Variants in CCDC91 observed in about 807,000 individuals in gnomAD.
CCDC91 encodes the protein coiled-coil domain-containing protein 91.
A neutral mutation model predicts 63.2 loss-of-function variants in CCDC91; 48 were observed. That is an observed-to-expected ratio of 0.76 (90% CI 0.60 to 0.97). The LOEUF (loss-of-function observed/expected upper bound fraction) is 0.97. CCDC91 is among the 50% of genes least tolerant of loss of function. The probability of loss-of-function intolerance (pLI) is 0.00; values close to 1 mark genes in which losing one functional copy is unlikely to be tolerated. For synonymous variants in CCDC91, 167 were observed against 165.8 expected (o/e 1.01, Z -0.06); for missense variants, 500 against 494.6 (o/e 1.01, Z -0.10).
chr12:28,231,780 T>C (rs1472562715), intron 1 of CCDC91, among the ~76,000 whole-genome samples: 3 of 152,180 alleles, frequency 2.0e-5, no homozygotes, highest in African/African-American at 7.2e-5. Context: ...GTTCACTTTA[T>C]TCTTGTTTAT....
At chr12:28,419,171 A>G (rs1371285656) in intron 8 of CCDC91, among the ~76,000 whole-genome samples, 1 of 152,200 alleles carries the variant, frequency 6.6e-6, no homozygotes, top group Non-Finnish European at 1.5e-5. Context: ...CCCAGTGTGG[A>G]AAGCCAAACT....
chr12:28,205,182 A>G (rs1341509316), intron 1 of CCDC91, among the ~76,000 whole-genome samples: 1 of 152,096 alleles, frequency 6.6e-6, no homozygotes, highest in Non-Finnish European at 1.5e-5. Context: ...ATAGAGAGAA[A>G]GGAGAGTGAA....
At chr12:28,240,188 A>G (rs1945241163) in intron 1 of CCDC91, among the ~76,000 whole-genome samples, 1 of 152,138 alleles carries the variant, frequency 6.6e-6, no homozygotes, top group Non-Finnish European at 1.5e-5. Context: ...AGTCCATTTT[A>G]CGCTTTCTAA....
chr12:28,473,893 C>A (rs1950948322), intron 11 of CCDC91, among the ~76,000 whole-genome samples: 1 of 152,048 alleles, frequency 6.6e-6, no homozygotes, highest in Non-Finnish European at 1.5e-5. Flanking sequence ...TTAAAACTCA[C>A]CATTGGTAAA....
At chr12:28,417,553 C>A (rs1036034053) in intron 8 of CCDC91, among the ~76,000 whole-genome samples, 1 of 151,182 alleles carries the variant, frequency 6.6e-6, no homozygotes, top group Non-Finnish European at 1.5e-5. Flanking sequence ...TTTTCCCCAG[C>A]TTTATTGAGG....
intron 8 of CCDC91, among the ~76,000 whole-genome samples, chr12:28,414,622 G>A (rs1406833688): frequency 6.6e-6 from 1 of 152,092 alleles, no homozygotes; most frequent in Non-Finnish European, 1.5e-5. Flanking sequence ...ACAGGCATTT[G>A]ATCACACTTG....
At chr12:28,465,821 CT>C (rs1233879809) in intron 11 of CCDC91, among the ~76,000 whole-genome samples, 5 of 152,172 alleles carry the variant, frequency 3.3e-5, no homozygotes, top group South Asian at 2.1e-4. Context: ...CCCAAATAAA[CT>C]AAATAAGACA....
At chr12:28,352,807 A>G (rs2138298056) in intron 6 of CCDC91, among the ~76,000 whole-genome samples, 1 of 152,186 alleles carries the variant, frequency 6.6e-6, no homozygotes, top group Non-Finnish European at 1.5e-5. Flanking sequence ...GAGCAGCATA[A>G]TGCTTAAGGG....
At chr12:28,373,351 A>G (rs1244715783) in intron 7 of CCDC91, among the ~76,000 whole-genome samples, 1 of 152,030 alleles carries the variant, frequency 6.6e-6, no homozygotes, top group East Asian at 1.9e-4. Flanking sequence ...AGCCTCTTAT[A>G]TGTGTAGATT....
At chr12:28,271,061 A>T (rs542416910) in intron 3 of CCDC91, among the ~76,000 whole-genome samples, 1 of 152,232 alleles carries the variant, frequency 6.6e-6, no homozygotes, top group South Asian at 2.1e-4. Flanking sequence ...ATAGCGTGTA[A>T]TAAAGGGATA....
chr12:28,499,330 C>T (rs1952488091), intron 12 of CCDC91, among the ~76,000 whole-genome samples: 1 of 150,506 alleles, frequency 6.6e-6, no homozygotes, highest in Non-Finnish European at 1.5e-5. Context: ...AAAGAGTTTT[C>T]ACTTGGAATA....
chr12:28,259,386 G>T lies in CCDC91; in HGVS notation c.53G>T (p.Gly18Val), dbSNP rs1374082850. The change falls in exon 3 of 13, where the codon GGA (glycine) becomes GTA (valine). Residue 18 changes from glycine (G) to valine (V), a missense_variant. Gly to Val is a moderately radical substitution (Grantham distance 109, BLOSUM62 -3). Coordinates refer to ENST00000536442, the MANE Select transcript of CCDC91 (RefSeq NM_018318.5). ...TAGGCTGCGGAGACTTTTGATGGTG[G>T]AAGTGGTGAAACCCAAACAACATCT... ...GFEAAETFDGGSGETQTTSPA... is the reference protein window; with the variant it reads ...GFEAAETFDGVSGETQTTSPA... 2 of 1,611,688 alleles carry T rather than the reference G, an allele frequency of 1.2e-6. No individual in the cohort carries two copies. The highest frequency in any genetic ancestry group is 1.7e-6 in the Non-Finnish European group (2 of 1,178,474).
chr12:28,243,065 A>G (rs966416158), intron 1 of CCDC91, among the ~76,000 whole-genome samples: 9 of 152,168 alleles, frequency 5.9e-5, no homozygotes, highest in Non-Finnish European at 1.2e-4. Context: ...CCATTTCTTT[A>G]TAAATTACTC....
intron 12 of CCDC91, among the ~76,000 whole-genome samples, chr12:28,545,126 A>AT (rs981352092): frequency 6.6e-6 from 1 of 151,996 alleles, no homozygotes; most frequent in African/African-American, 2.4e-5. Flanking sequence ...TTATGAAGAG[A>AT]TTTTTAACCC....
At position 28,398,120 on chromosome 12, in the gene CCDC91, A is replaced by G. The variant is rs7962463; in HGVS notation, c.762+6709A>G. ...ATATACACTCATATATCTATCATCA[A>G]CAATCAAGATATAGAACATTTCTAT... On this transcript the variant is annotated intron_variant, in intron 8 of 12. Transcript: ENST00000536442. Among the ~76,000 whole-genome samples the G allele has an allele frequency of 3.8e-3, 585 of 152,236 alleles. 7 individuals are homozygous for G. Among genetic ancestry groups the G allele is most frequent in the African/African-American group, 0.013 (553 of 41,542 alleles).
At chr12:28,311,913 ACT>A (rs1419804888) in intron 6 of CCDC91, among the ~76,000 whole-genome samples, 1 of 151,840 alleles carries the variant, frequency 6.6e-6, no homozygotes, top group Non-Finnish European at 1.5e-5. Context: ...CTAAAAGAAA[ACT>A]CACAGAACTC....
chr12:28,433,791 G>C (rs77342159), intron 8 of CCDC91, among the ~76,000 whole-genome samples: 2,803 of 152,002 alleles, frequency 0.018, 51 homozygotes, highest in Non-Finnish European at 0.026. Flanking sequence ...AGACCAAGAT[G>C]AGAAGAACTG....
chr12:28,462,173 A>G (rs1362189859), intron 11 of CCDC91, among the ~76,000 whole-genome samples: 2 of 151,982 alleles, frequency 1.3e-5, no homozygotes, highest in Non-Finnish European at 2.9e-5. Flanking sequence ...ATCTTTGTGA[A>G]GCTGGCATTT....
In CCDC91 at chr12:28,437,144, A is replaced by T. The variant is rs189047831; in HGVS notation, c.763-13017A>T. Among the ~76,000 whole-genome samples, 4 of 145,368 alleles carry T rather than the reference A, an allele frequency of 2.8e-5. No individual in the cohort carries two copies. The East Asian group carries it at 7.7e-4, about 28-fold the overall frequency. On this transcript the variant is annotated intron_variant, in intron 8 of 12. Coordinates refer to ENST00000536442, the MANE Select transcript of CCDC91 (RefSeq NM_018318.5). Reference sequence around the variant, plus strand: ...AATAAAATTCCATCCATGATTTATCAGTAAAAGTGTCCTTTTTTTGTGGGC... The same window carrying T: ...AATAAAATTCCATCCATGATTTATCTGTAAAAGTGTCCTTTTTTTGTGGGC...
Sources: gnomAD v4.1 joint callset for allele counts (sites outside exome capture counted in the v4.1 genomes callset) on GRCh38, gnomAD v4.1.1 for gene constraint, MANE v1.5 for transcripts, NCBI Gene and HGNC (gene_info 2026-07-23, HGNC 2026-07-21) for gene names.